Variants in MYO18A observed in about 807,000 individuals in gnomAD.
MYO18A encodes the protein myosin XVIIIA.
A neutral mutation model predicts 235.8 loss-of-function variants in MYO18A; 78 were observed. That is an observed-to-expected ratio of 0.33 (90% confidence interval 0.28 to 0.40). The LOEUF (loss-of-function observed/expected upper bound fraction) is 0.40, where lower values mean the gene tolerates loss of function less well. Ranked by LOEUF, MYO18A falls within the 10% of genes least tolerant of loss-of-function variation. MYO18A has a pLI of 1.00. For synonymous variants in MYO18A, 977 were observed against 1,077.8 expected (o/e 0.91, Z 1.83); for missense variants, 2,215 against 2,699.3 (o/e 0.82, Z 3.98).
At chr17:29,139,844 C>G (rs564009130) in intron 2 of MYO18A, among the ~76,000 whole-genome samples, 2 of 152,090 alleles carry the variant, frequency 1.3e-5, no homozygotes, top group African/African-American at 4.8e-5. Context: ...GAAGGGTGCT[C>G]CCTGACAACT....
chr17:29,154,121 T>TGTGC (rs142430455), intron 2 of MYO18A, among the ~76,000 whole-genome samples: 10 of 149,108 alleles, frequency 6.7e-5, no homozygotes, highest in African/African-American at 2.5e-4. Flanking sequence ...TGTGTGTGTG[T>TGTGC]GCGCGCGCGT....
Position 29,107,199 on chromosome 17 carries a change from GCAGCCCAGAGC to G in MYO18A, c.3332-21_3332-11del. On this transcript the variant is annotated splice_polypyrimidine_tract_variant and intron_variant, in intron 19 of 41. Coordinates refer to ENST00000527372, the MANE Select transcript of MYO18A (RefSeq NM_078471.4). Reference sequence around the variant, plus strand: ...ATGTGGTCAGGGTAACCTAGAGAGAGCAGCCCAGAGCCAGGCCTGTCAACGCCACCTGCTCC... The same window carrying G: ...ATGTGGTCAGGGTAACCTAGAGAGAGCAGGCCTGTCAACGCCACCTGCTCC... The G allele has an allele frequency of 6.2e-7, 1 of 1,613,654 alleles. No individual in the cohort carries two copies. The highest frequency in any genetic ancestry group is 1.1e-5 in the South Asian group (1 of 91,080).
intron 28 of MYO18A, among the ~76,000 whole-genome samples, chr17:29,095,731 G>A (rs906067599): frequency 6.6e-6 from 1 of 152,192 alleles, no homozygotes; most frequent in Admixed American, 6.5e-5. Context: ...CACCTTCCCT[G>A]AATAGCTAAT....
chr17:29,092,951 C>T lies in MYO18A; in HGVS notation c.4977G>A (p.Lys1659=), dbSNP rs372123558. The change falls in exon 33 of 42, where the codon AAG becomes AAA. Residue 1659 remains lysine (K), a synonymous_variant. Coordinates refer to ENST00000527372, the MANE Select transcript of MYO18A (RefSeq NM_078471.4). ...CATCTGCCAGCAGGGCCTTGGTGCG[C>T]TTCAGGTCCTTCCGCAGCCGCTTCT... ...ESEKRLRKDL[K]RTKALLADAQ... The T allele has an allele frequency of 2.4e-5, 38 of 1,613,792 alleles. 1 individual carries two copies. The African/African-American group carries it at 2.7e-4, about 11-fold the overall frequency.
Position 29,073,951 on chromosome 17 carries a change from T to C in MYO18A, c.*819A>G. On this transcript the variant is annotated 3_prime_UTR_variant, in exon 42 of 42. Coordinates refer to ENST00000527372, the MANE Select transcript of MYO18A (RefSeq NM_078471.4). Reference sequence around the variant, plus strand: ...TTGGATCAGCCCTGAACTGCTGTAGTTGGAATGGGTTTACCTTAAATAGGT... The same window carrying C: ...TTGGATCAGCCCTGAACTGCTGTAGCTGGAATGGGTTTACCTTAAATAGGT... 2.5e-6 allele frequency: 4 copies of C among 1,613,884 alleles called. No individual in the cohort carries two copies. The highest frequency in any genetic ancestry group is 3.4e-6 in the Non-Finnish European group (4 of 1,179,968).
rs748771030 is a variant in MYO18A, at chr17:29,073,954, G to C, written c.*816C>G. 2 of 1,614,034 alleles carry C rather than the reference G, an allele frequency of 1.2e-6. No homozygotes were observed. Among genetic ancestry groups the C allele is most frequent in the Non-Finnish European group, 1.7e-6 (2 of 1,179,988 alleles). On this transcript the variant is annotated 3_prime_UTR_variant, in exon 42 of 42. Transcript: ENST00000527372. ...GATCAGCCCTGAACTGCTGTAGTTG[G>C]AATGGGTTTACCTTAAATAGGTCAT...
chr17:29,099,709 T>C lies in MYO18A; in HGVS notation c.3561A>G (p.Gln1187=), dbSNP rs200673161. Residue 1187 remains glutamine, a synonymous_variant, in exon 22 of 42, where the codon CAA becomes CAG. Transcript: ENST00000527372. Reference sequence around the variant, plus strand: ...GGAACAGGGTTAGGTTCCTGCTGGTTTGTTCATCCCGCTGCTCCTCCAGCC... The same window carrying C: ...GGAACAGGGTTAGGTTCCTGCTGGTCTGTTCATCCCGCTGCTCCTCCAGCC... ...LARLEEQRDE[Q]TSRNLTLFQA... is the part of the protein sequence containing the mutation. The C allele has an allele frequency of 2.6e-4, 420 of 1,613,664 alleles. No individual in the cohort carries two copies. The highest frequency in any genetic ancestry group is 3.5e-4 in the Non-Finnish European group (411 of 1,179,858).
intron 2 of MYO18A, among the ~76,000 whole-genome samples, chr17:29,124,295 G>C (rs972418765): frequency 1.3e-5 from 2 of 152,226 alleles, no homozygotes; most frequent in African/African-American, 4.8e-5. Context: ...AGAGGGCAGA[G>C]ATTCTGCCTT....
At chr17:29,124,628 C>T (rs1323664923) in intron 2 of MYO18A, 7 of 1,274,602 alleles carry the variant, frequency 5.5e-6, no homozygotes, top group Non-Finnish European at 7.1e-6. Context: ...GCGGAGGGCT[C>T]CTGAGTGGGG....
At chr17:29,145,103 A>C (rs2067820192) in intron 2 of MYO18A, among the ~76,000 whole-genome samples, 1 of 152,184 alleles carries the variant, frequency 6.6e-6, no homozygotes, top group Non-Finnish European at 1.5e-5. Flanking sequence ...CAGCATAACT[A>C]ATGTTCTGAA....
intron 2 of MYO18A, among the ~76,000 whole-genome samples, chr17:29,152,608 G>C (rs1478548207): frequency 6.6e-6 from 1 of 152,188 alleles, no homozygotes; most frequent in Non-Finnish European, 1.5e-5. Flanking sequence ...CCCGTGAGCA[G>C]AGCTGAGCCA....
chr17:29,075,604 C>T (rs2065954530), intron 41 of MYO18A: 2 of 166,714 alleles, frequency 1.2e-5, no homozygotes, highest in African/African-American at 4.8e-5. Flanking sequence ...CTTCATCAGG[C>T]CTCTGGCTCT....
At chr17:29,154,910 C>T (rs1043726743) in intron 2 of MYO18A, among the ~76,000 whole-genome samples, 2 of 152,170 alleles carry the variant, frequency 1.3e-5, no homozygotes, top group African/African-American at 4.8e-5. Flanking sequence ...AGGGAAGGGC[C>T]CCCAGCAGGA....
Position 29,121,111 on chromosome 17 carries a change from T to C in MYO18A, c.1472A>G (p.Asp491Gly). The C allele has an allele frequency of 1.2e-6, 2 of 1,611,968 alleles. No individual in the cohort carries two copies. Among genetic ancestry groups the C allele is most frequent in the Non-Finnish European group, 1.7e-6 (2 of 1,179,094 alleles). Residue 491 changes from aspartate to glycine, a missense_variant, in exon 6 of 42, where the codon GAT becomes GGT. Physicochemically the swap from Asp to Gly is moderately conservative, Grantham distance 94 (BLOSUM62 -1). Coordinates refer to ENST00000527372, the MANE Select transcript of MYO18A (RefSeq NM_078471.4). This position sits in a 1 kb window ranked among gnomAD's most constrained non-coding sequence, Gnocchi z 4.2. ...ACTGCCCAGGAGGATGATTGACTGA[T>C]CCTGACGGCTCATCAGCATCGCCCT... Reference protein sequence around the residue: ...AYRAMLMSRQDQSIILLGSSG... With the variant: ...AYRAMLMSRQGQSIILLGSSG...
chr17:29,079,345 A>G (rs1279238555), intron 41 of MYO18A, among the ~76,000 whole-genome samples: 4 of 152,236 alleles, frequency 2.6e-5, no homozygotes, highest in Non-Finnish European at 5.9e-5. Flanking sequence ...GTGCGTGACC[A>G]CATGGCAAGT....
chr17:29,171,110 TTGA>T (rs1244931002), intron 1 of MYO18A, among the ~76,000 whole-genome samples: 1 of 152,016 alleles, frequency 6.6e-6, no homozygotes, highest in Non-Finnish European at 1.5e-5. Context: ...GCGGTTTGGG[TTGA>T]TAAGTATATG....
chr17:29,114,695 G>C (rs1336244875), intron 14 of MYO18A, among the ~76,000 whole-genome samples: 1 of 152,220 alleles, frequency 6.6e-6, no homozygotes, highest in Non-Finnish European at 1.5e-5. Flanking sequence ...CAATGCACCT[G>C]TAGGCTTCCT....
At chr17:29,076,317 G>T (rs994111339) in intron 41 of MYO18A, 3 of 138,608 alleles carry the variant, frequency 2.2e-5, no homozygotes, top group African/African-American at 8.3e-5. Context: ...CCCGCCACTC[G>T]ATTGGTTGAC....
chr17:29,113,952 G>C, intron 15 of MYO18A, 59 bp downstream of exon 15: 1 of 1,373,476 alleles, frequency 7.3e-7, no homozygotes, highest in African/African-American at 1.4e-5. Flanking sequence ...GCTCCACCAC[G>C]GGGAGAGGGG....
Sources: gnomAD v4.1 joint callset for allele counts (sites outside exome capture counted in the v4.1 genomes callset) on GRCh38, gnomAD v4.1.1 for gene constraint, Gnocchi (gnomAD v3.1) non-coding constraint, MANE v1.5 for transcripts, NCBI Gene and HGNC (gene_info 2026-07-23, HGNC 2026-07-21) for gene names.